SLC10A7: variants seen among roughly 807,000 people sequenced by gnomAD.
The protein encoded by SLC10A7 is solute carrier family 10 member 7.
In SLC10A7, 29 loss-of-function variants were observed where a neutral mutation model predicts 43.2. The observed-to-expected ratio is 0.67, with a 90% CI of 0.50 to 0.92. The LOEUF is 0.92. Among genes scored for constraint, SLC10A7 ranks in the 40% least tolerant of loss-of-function variants. SLC10A7 has a pLI of 0.00. For synonymous variants in SLC10A7, 152 were observed against 144.8 expected (o/e 1.05, Z -0.35); for missense variants, 295 against 403.2 (o/e 0.73, Z 2.30).
At chr4:146,455,888 T>C (rs1030156100) in intron 4 of SLC10A7, among the ~76,000 whole-genome samples, 1 of 151,948 alleles carries the variant, frequency 6.6e-6, no homozygotes, top group Admixed American at 6.6e-5. Context: ...TTTTTTCTAA[T>C]GTTAGGTCCC....
intron 4 of SLC10A7, among the ~76,000 whole-genome samples, chr4:146,448,907 C>T (rs1455258300): frequency 6.6e-6 from 1 of 152,106 alleles, no homozygotes; most frequent in African/African-American, 2.4e-5. Context: ...ACCAGAAATT[C>T]CAGAGGAGAT....
chr4:146,422,568 A>G (rs1579146412), intron 5 of SLC10A7, among the ~76,000 whole-genome samples: 1 of 152,300 alleles, frequency 6.6e-6, no homozygotes, highest in Middle Eastern at 3.4e-3. Context: ...TAATAAGTGG[A>G]CTTGCAGACT....
At chr4:146,415,225 T>C (rs1164329293) in intron 5 of SLC10A7, among the ~76,000 whole-genome samples, 1 of 152,202 alleles carries the variant, frequency 6.6e-6, no homozygotes, top group Non-Finnish European at 1.5e-5. Context: ...TAAAGTGGAA[T>C]TCCTTCAGCT....
chr4:146,363,836 T>C (rs1736214435), intron 5 of SLC10A7, among the ~76,000 whole-genome samples: 1 of 152,006 alleles, frequency 6.6e-6, no homozygotes, highest in South Asian at 2.1e-4. Flanking sequence ...CCAGTACCTG[T>C]GACATACAAC....
intron 4 of SLC10A7, among the ~76,000 whole-genome samples, chr4:146,464,663 C>G (rs1479764036): frequency 6.6e-6 from 1 of 151,312 alleles, no homozygotes; most frequent in East Asian, 1.9e-4. Context: ...AAAAGTCATG[C>G]CATTAAGAAT....
chr4:146,441,467 G>A (rs1017002923), intron 5 of SLC10A7, among the ~76,000 whole-genome samples: 4 of 152,174 alleles, frequency 2.6e-5, no homozygotes, highest in African/African-American at 7.2e-5. Flanking sequence ...GAAAGAATAA[G>A]AGACCCAACT....
At chr4:146,467,594 G>A (rs1401145217) in intron 4 of SLC10A7, among the ~76,000 whole-genome samples, 2 of 122,118 alleles carry the variant, frequency 1.6e-5, no homozygotes, top group Admixed American at 1.0e-4. Context: ...GAGACAGAGC[G>A]CTCTGTTTCC....
chr4:146,274,012 G>A (rs913872017), intron 10 of SLC10A7, among the ~76,000 whole-genome samples: 1 of 151,776 alleles, frequency 6.6e-6, no homozygotes, highest in African/African-American at 2.4e-5. Flanking sequence ...AATCACCTAG[G>A]TCCCCTTTCA....
intron 4 of SLC10A7, among the ~76,000 whole-genome samples, chr4:146,489,171 C>T (rs1032662463): frequency 6.6e-6 from 1 of 152,204 alleles, no homozygotes; most frequent in Non-Finnish European, 1.5e-5. Context: ...ATCAACACAT[C>T]CATAACTTCT....
intron 5 of SLC10A7, among the ~76,000 whole-genome samples, chr4:146,425,289 TA>T (rs1729256152): frequency 6.6e-6 from 1 of 152,202 alleles, no homozygotes; most frequent in Non-Finnish European, 1.5e-5. Flanking sequence ...AGTTTATAAT[TA>T]AACGGATTAA....
rs528712571 is a variant in SLC10A7, at chr4:146,445,922, C to T, written c.397-3101G>A. On this transcript the variant is annotated intron_variant, in intron 4 of 11. Coordinates refer to ENST00000335472, the MANE Select transcript of SLC10A7 (RefSeq NM_001029998.6). ...GTGTGTGTGTGTGTGTGTGCACGTG[C>T]GCACGCGCGTGCACGGGAGTCCCCT... Among the ~76,000 whole-genome samples the T allele has an allele frequency of 3.7e-4, 56 of 150,420 alleles. 1 individual carries two copies. The highest frequency in any genetic ancestry group is 2.0e-4 in the East Asian group (1 of 5,078).
chr4:146,425,402 G>A (rs1403217092), intron 5 of SLC10A7, among the ~76,000 whole-genome samples: 1 of 152,158 alleles, frequency 6.6e-6, no homozygotes, highest in African/African-American at 2.4e-5. Flanking sequence ...TCCAATGCAG[G>A]AGCCACCAGT....
At chr4:146,336,345 C>T (rs1733894818) in intron 5 of SLC10A7, among the ~76,000 whole-genome samples, 1 of 152,048 alleles carries the variant, frequency 6.6e-6, no homozygotes, top group African/African-American at 2.4e-5. Flanking sequence ...TTTGAGTGAA[C>T]CCACGCTGGC....
At chr4:146,515,611 A>C (rs1369334275) in intron 2 of SLC10A7, among the ~76,000 whole-genome samples, 1 of 152,150 alleles carries the variant, frequency 6.6e-6, no homozygotes, top group Non-Finnish European at 1.5e-5. Context: ...TACGTATATC[A>C]AAAAATACCC....
intron 5 of SLC10A7, among the ~76,000 whole-genome samples, chr4:146,383,808 T>C (rs1341781136): frequency 6.6e-6 from 1 of 152,184 alleles, no homozygotes; most frequent in African/African-American, 2.4e-5. Context: ...TCATTGATGA[T>C]GAAGACAACA....
chr4:146,342,760 T>A (rs1734355572), intron 5 of SLC10A7, among the ~76,000 whole-genome samples: 1 of 151,796 alleles, frequency 6.6e-6, no homozygotes, highest in South Asian at 2.1e-4. Context: ...TATAAAAATA[T>A]TATGCAAAAT....
At chr4:146,403,939 A>G (rs1739394190) in intron 5 of SLC10A7, among the ~76,000 whole-genome samples, 1 of 152,170 alleles carries the variant, frequency 6.6e-6, no homozygotes, top group Non-Finnish European at 1.5e-5. Context: ...TATTATTGCT[A>G]TTGTTATTCT....
chr4:146,385,945 G>T (rs1427350788), intron 5 of SLC10A7, among the ~76,000 whole-genome samples: 1 of 152,146 alleles, frequency 6.6e-6, no homozygotes, highest in Non-Finnish European at 1.5e-5. Flanking sequence ...TCCTTCCATA[G>T]TGTATATGTA....
chr4:146,493,516 A>AGAG (rs1735636123), intron 4 of SLC10A7, among the ~76,000 whole-genome samples: 1 of 149,944 alleles, frequency 6.7e-6, no homozygotes, highest in Non-Finnish European at 1.5e-5. Context: ...AGAGGGAGAG[A>AGAG]GAGATATACC....
Sources: gnomAD v4.1 joint callset for allele counts (sites outside exome capture counted in the v4.1 genomes callset) on GRCh38, gnomAD v4.1.1 for gene constraint, MANE v1.5 for transcripts, NCBI Gene and HGNC (gene_info 2026-07-23, HGNC 2026-07-21) for gene names.